PLEKHG1: variants seen among roughly 807,000 people sequenced by gnomAD.
PLEKHG1 encodes pleckstrin homology domain-containing family G member 1.
PLEKHG1 carries 44 observed loss-of-function variants against 100.8 expected under a neutral mutation model. The observed-to-expected ratio is 0.44, with a 90% CI of 0.34 to 0.56. PLEKHG1 has a LOEUF of 0.56. PLEKHG1 is among the 20% of genes least tolerant of loss of function. The pLI is 0.01. For synonymous variants in PLEKHG1, 640 were observed against 662.5 expected, an observed-to-expected ratio of 0.97 and a Z score of 0.52; for missense variants, 1,545 against 1,720.9, an observed-to-expected ratio of 0.90 and a Z score of 1.81.
chr6:150,843,180 C>T (rs1777608511), exon 16 of PLEKHG1: 1 of 152,198 alleles, frequency 6.6e-6, no homozygotes, highest in Admixed American at 6.5e-5. Context: ...GAAATTACTT[C>T]TTCACGCCAG....
At chr6:150,641,703 T>C (rs977040020) in intron 2 of PLEKHG1, among the ~76,000 whole-genome samples, 7 of 152,120 alleles carry the variant, frequency 4.6e-5, no homozygotes, top group Non-Finnish European at 1.0e-4. Context: ...AAACGTTTTA[T>C]TGGAAGCCAG....
At chr6:150,744,747 G>A (rs1305525674) in intron 2 of PLEKHG1, among the ~76,000 whole-genome samples, 2 of 152,140 alleles carry the variant, frequency 1.3e-5, no homozygotes, top group Middle Eastern at 3.2e-3. Context: ...TCAGATAATG[G>A]CAAGGTCACC....
intron 2 of PLEKHG1, among the ~76,000 whole-genome samples, chr6:150,735,633 T>C (rs1330344899): frequency 6.6e-6 from 1 of 152,226 alleles, no homozygotes; most frequent in Non-Finnish European, 1.5e-5. Context: ...GCCTGTTTTT[T>C]AAAAAGTTCA....
At chr6:150,637,360 A>G (rs1582858122) in intron 1 of PLEKHG1, among the ~76,000 whole-genome samples, 1 of 146,628 alleles carries the variant, frequency 6.8e-6, no homozygotes, top group African/African-American at 2.5e-5. Context: ...TTTAGCTTTT[A>G]CTGTTTTTTG....
upstream of PLEKHG1, among the ~76,000 whole-genome samples, chr6:150,718,860 A>G (rs921989468): frequency 1.3e-5 from 2 of 151,116 alleles, no homozygotes; most frequent in African/African-American, 2.4e-5. Flanking sequence ...TTATTCAAGC[A>G]AATACTTGGT....
chr6:150,602,761 G>A (rs1161423666), intron 1 of PLEKHG1, among the ~76,000 whole-genome samples: 1 of 152,044 alleles, frequency 6.6e-6, no homozygotes, highest in Non-Finnish European at 1.5e-5. Context: ...TTTAACCAAG[G>A]TTCTCTTCTC....
At chr6:150,732,017 A>G (rs1782287190) in intron 1 of PLEKHG1, among the ~76,000 whole-genome samples, 1 of 145,594 alleles carries the variant, frequency 6.9e-6, no homozygotes, top group Non-Finnish European at 1.5e-5. Context: ...TCTGGAGTGC[A>G]GTGGCGCGAT....
At chr6:150,823,596 A>T in intron 13 of PLEKHG1, 58 bp from the exon 15 acceptor site, 1 of 1,147,740 alleles carries the variant, frequency 8.7e-7, no homozygotes, top group Non-Finnish European at 1.3e-6. Flanking sequence ...ATTAGTGCTT[A>T]CTTATATAGG....
chr6:150,751,926 C>T (rs913571392), intron 2 of PLEKHG1, among the ~76,000 whole-genome samples: 8 of 152,152 alleles, frequency 5.3e-5, no homozygotes, highest in Non-Finnish European at 1.0e-4. Flanking sequence ...AGGTGGCTCA[C>T]GCCCGTAATC....
At chr6:150,809,014 C>T in intron 7 of PLEKHG1, 91 bp from the exon 9 acceptor site, 1 of 1,088,742 alleles carries the variant, frequency 9.2e-7, no homozygotes, top group Non-Finnish European at 1.4e-6. Flanking sequence ...GACGATTTGG[C>T]ACCATTCTTG....
chr6:150,691,063 C>T (rs889323176), intron 3 of PLEKHG1, among the ~76,000 whole-genome samples: 11 of 152,238 alleles, frequency 7.2e-5, no homozygotes, highest in Non-Finnish European at 1.5e-4. Flanking sequence ...AGTTGGCACA[C>T]AGTGAATATA....
chr6:150,677,834 G>A (rs1338024169), intron 3 of PLEKHG1, among the ~76,000 whole-genome samples: 3 of 151,764 alleles, frequency 2.0e-5, no homozygotes, highest in Non-Finnish European at 4.4e-5. Context: ...CTGTAATTAT[G>A]CCACTGTACT....
intron 1 of PLEKHG1, among the ~76,000 whole-genome samples, chr6:150,615,189 C>T (rs1001842963): frequency 2.6e-5 from 4 of 152,160 alleles, no homozygotes; most frequent in Non-Finnish European, 4.4e-5. Context: ...AATGCCTTTG[C>T]GACTTCATGG....
At chr6:150,779,426 A>G (rs1300911400) in intron 3 of PLEKHG1, among the ~76,000 whole-genome samples, 1 of 145,664 alleles carries the variant, frequency 6.9e-6, no homozygotes, top group African/African-American at 2.6e-5. Context: ...GCTCTCTGCA[A>G]CTTCTGCCTC....
intron 3 of PLEKHG1, among the ~76,000 whole-genome samples, chr6:150,693,307 A>C (rs1285569442): frequency 6.6e-6 from 1 of 152,036 alleles, no homozygotes; most frequent in African/African-American, 2.4e-5. Context: ...ACAAACAAAC[A>C]AACAAAAAAC....
At chr6:150,821,255 C>T (rs1776278995) in intron 13 of PLEKHG1, 22 bp downstream of exon 14, 1 of 1,550,204 alleles carries the variant, frequency 6.5e-7, no homozygotes, top group Non-Finnish European at 8.9e-7. Context: ...AATATATTTT[C>T]CTGTTTCATT....
At chr6:150,777,262 G>C (rs1026395364) in intron 3 of PLEKHG1, among the ~76,000 whole-genome samples, 1 of 146,168 alleles carries the variant, frequency 6.8e-6, no homozygotes, top group Non-Finnish European at 1.5e-5. Flanking sequence ...TGCAATCCTG[G>C]TGCACATGTG....
At chr6:150,644,334 G>GTTTTGTTTTTTTTTTTT (rs1554255839) in intron 2 of PLEKHG1, among the ~76,000 whole-genome samples, 6 of 117,620 alleles carry the variant, frequency 5.1e-5, no homozygotes, top group African/African-American at 2.1e-4. Flanking sequence ...TTCTTTTCGT[G>GTTTTGTTTTTTTTTTTT]TTTTTTTTTT....
intron 1 of PLEKHG1, among the ~76,000 whole-genome samples, chr6:150,725,138 G>A (rs895866739): frequency 3.9e-5 from 6 of 152,192 alleles, no homozygotes; most frequent in African/African-American, 1.4e-4. Flanking sequence ...CAGATTGTGT[G>A]TCTGGTGAGG....
Sources: gnomAD v4.1 joint callset for allele counts (sites outside exome capture counted in the v4.1 genomes callset) on GRCh38, gnomAD v4.1.1 for gene constraint, MANE v1.5 for transcripts, NCBI Gene and HGNC (gene_info 2026-07-23, HGNC 2026-07-21) for gene names.